The following COBLL1 variants were observed in gnomAD, a reference collection of about 807,000 sequenced individuals.
COBLL1 encodes cordon-bleu WH2 repeat protein like 1.
Under a neutral mutation model 94.8 loss-of-function variants are expected in COBLL1, and 50 were observed. The observed-to-expected ratio is 0.53, with a 90% CI of 0.42 to 0.67. COBLL1 has a LOEUF of 0.67. COBLL1 is among the 30% of genes least tolerant of loss of function. COBLL1 has a pLI of 0.00. For synonymous variants in COBLL1, 448 were observed against 473.8 expected (o/e 0.95, Z 0.71); for missense variants, 1,362 against 1,348.7 (o/e 1.01, Z -0.15).
rs61733882 is a variant in COBLL1 at position 164,728,117 on chromosome 2, C to T, written c.513G>A (p.Glu171=). The T allele has an allele frequency of 6.3e-3, 10,210 of 1,613,644 alleles. 50 individuals are homozygous for T. Among genetic ancestry groups the T allele is most frequent in the Non-Finnish European group, 7.7e-3 (9,098 of 1,179,616 alleles). ...VRVSPHASLQ[E]LAPIICSKCE... is the part of the protein sequence containing the mutation. ...ATTTGCTACATATAATAGGGGCAAG[C>T]TCTTGAAGCGATGCATGTGGACTCA... The change falls in exon 5 of 14, where the codon GAG becomes GAA. Residue 171 remains glutamate (E), a synonymous_variant. Transcript: ENST00000652658.
chr2:164,766,804 A>T (rs183479997), intron 2 of COBLL1, among the ~76,000 whole-genome samples: 1 of 152,320 alleles, frequency 6.6e-6, no homozygotes, highest in Admixed American at 6.5e-5. Context: ...TGGCATTTAA[A>T]ATTATAATTT....
At chr2:164,829,076 C>T (rs987057483) in intron 2 of COBLL1, among the ~76,000 whole-genome samples, 3 of 152,040 alleles carry the variant, frequency 2.0e-5, no homozygotes, top group African/African-American at 7.3e-5. Context: ...AGAAAAATAA[C>T]GAATAAATAA....
intron 2 of COBLL1, among the ~76,000 whole-genome samples, chr2:164,765,882 C>T (rs185578331): frequency 6.6e-6 from 1 of 152,148 alleles, no homozygotes; most frequent in African/African-American, 2.4e-5. Flanking sequence ...TCTTTTCATT[C>T]TAATATTTCT....
At chr2:164,808,586 T>A (rs1684313022) in intron 2 of COBLL1, among the ~76,000 whole-genome samples, 1 of 152,204 alleles carries the variant, frequency 6.6e-6, no homozygotes, top group Non-Finnish European at 1.5e-5. Context: ...CATCTGTTAG[T>A]GTCTTTTAAG....
chr2:164,732,652 A>G (rs1686078697), intron 3 of COBLL1, among the ~76,000 whole-genome samples: 1 of 152,242 alleles, frequency 6.6e-6, no homozygotes, highest in Non-Finnish European at 1.5e-5. Flanking sequence ...TTCTCTCTAT[A>G]TATAAATGTG....
chr2:164,760,812 T>G (rs948535830), intron 2 of COBLL1, among the ~76,000 whole-genome samples: 1 of 152,226 alleles, frequency 6.6e-6, no homozygotes, highest in Admixed American at 6.5e-5. Flanking sequence ...GAATCACCTA[T>G]GGAACTTGTT....
Position 164,804,064 on chromosome 2 carries a change from G to C in COBLL1, c.41+37092C>G, listed in dbSNP as rs576420340. ...AGTAGGAGATAAGGCTAGGGAGGAG[G>C]ACCAGGCCCCTATCAGTGTCTTACA... is the stretch of plus-strand genomic sequence containing the variant. On this transcript the variant is annotated intron_variant, in intron 2 of 13. Coordinates refer to ENST00000652658, the MANE Select transcript of COBLL1 (RefSeq NM_001365672.2). 2.1e-5 allele frequency among the ~76,000 whole-genome samples: 3 copies of C among 141,228 alleles called. No individual in the cohort carries two copies. In the South Asian group the frequency reaches 6.6e-4, roughly 31 times the overall value. 92.7% of individuals were successfully genotyped at this position (141,228 alleles called of 152,430 possible). A position where few individuals can be genotyped will look rare whatever the true frequency, so the allele number is the denominator to read the frequency against.
chr2:164,728,833 T>C (rs138849508), intron 4 of COBLL1, among the ~76,000 whole-genome samples: 359 of 152,152 alleles, frequency 2.4e-3, no homozygotes, highest in Non-Finnish European at 3.8e-3. Context: ...AAATATCTAG[T>C]ACTAATAATT....
chr2:164,710,911 T>C (rs1052991599), intron 7 of COBLL1, among the ~76,000 whole-genome samples: 9 of 152,136 alleles, frequency 5.9e-5, no homozygotes, highest in African/African-American at 2.2e-4. Flanking sequence ...TTTAGGAGTA[T>C]GCTCCAAAGA....
chr2:164,720,162 A>G (rs918467616), intron 7 of COBLL1, among the ~76,000 whole-genome samples: 1 of 152,182 alleles, frequency 6.6e-6, no homozygotes, highest in South Asian at 2.1e-4. Context: ...GGGAAAGACA[A>G]ATAAGTCTGG....
chr2:164,779,315 G>A (rs1293700744), intron 2 of COBLL1, among the ~76,000 whole-genome samples: 1 of 152,074 alleles, frequency 6.6e-6, no homozygotes, highest in Admixed American at 6.6e-5. Context: ...CACCATCTTT[G>A]CCTGGGAAAT....
intron 3 of COBLL1, among the ~76,000 whole-genome samples, chr2:164,733,496 T>C (rs1048982095): frequency 4.6e-5 from 7 of 152,238 alleles, no homozygotes; most frequent in African/African-American, 1.7e-4. Flanking sequence ...CATTTTATAA[T>C]TCTAGGTCCA....
chr2:164,669,975 T>C (rs1323771704), intron 1 of COBLL1, among the ~76,000 whole-genome samples: 5 of 152,224 alleles, frequency 3.3e-5, no homozygotes, highest in Admixed American at 6.5e-5. Flanking sequence ...CAAGTCAAAA[T>C]AGCTTGCTAG....
chr2:164,747,533 G>A (rs974629678), intron 2 of COBLL1, among the ~76,000 whole-genome samples: 2 of 152,100 alleles, frequency 1.3e-5, no homozygotes, highest in Non-Finnish European at 2.9e-5. Context: ...ACCTAGGCTG[G>A]AGTGCAGTGG....
chr2:164,694,660 GA>G lies in COBLL1; in HGVS notation c.2731del (p.Ser911LeufsTer9). The G allele has an allele frequency of 6.2e-7, 1 of 1,613,800 alleles. No homozygotes were observed. Among genetic ancestry groups the G allele is most frequent in the Non-Finnish European group, 8.5e-7 (1 of 1,179,932 alleles). ...NKEAERDMLP[S>X]PEQTLSPLSK... Reference sequence around the variant, plus strand: ...TAAGGGAGAAAGAGTCTGCTCCGGAGAAGGCAGCATATCCCTTTCTGCCTCT... The same window carrying G: ...TAAGGGAGAAAGAGTCTGCTCCGGAGAGGCAGCATATCCCTTTCTGCCTCT... On this transcript the variant is annotated frameshift_variant, in exon 12 of 14. Transcript: ENST00000652658. LOFTEE classifies it high-confidence loss of function.
At chr2:164,729,772 T>G (rs1558960220) in intron 4 of COBLL1, 142 bp downstream of exon 4, 2 of 706,626 alleles carry the variant, frequency 2.8e-6, no homozygotes, top group Non-Finnish European at 4.7e-6. Context: ...AATAGCCAAC[T>G]GAATCCTAAA....
chr2:164,768,728 G>C (rs1409383328), intron 2 of COBLL1, among the ~76,000 whole-genome samples: 1 of 152,058 alleles, frequency 6.6e-6, no homozygotes, highest in Admixed American at 6.6e-5. Flanking sequence ...AGTGTCATCA[G>C]AATTGAAAAA....
intron 2 of COBLL1, among the ~76,000 whole-genome samples, chr2:164,836,312 A>G (rs1156781619): frequency 6.6e-6 from 1 of 152,214 alleles, no homozygotes. Context: ...CATAAGCCAA[A>G]TAATTAATCT....
In COBLL1 at chr2:164,841,540, G is replaced by A. The variant is rs1001051490; in HGVS notation, c.-51+170C>T. The A allele has an allele frequency of 8.2e-6, 7 of 855,626 alleles. No homozygotes were observed. In the African/African-American group the frequency reaches 1.1e-4, roughly 13 times the overall value. The allele number at this position is 855,626 out of a possible 1,614,324, so 53.0% of individuals were successfully genotyped here. ...CTCTCGGAGGGAGAGGAGCCGCCGG[G>A]GCTGGAAAAGGAGGAGGAGCGGGGC... On this transcript the variant is annotated intron_variant, in intron 1 of 13. Transcript: ENST00000652658. This position sits in a 1 kb window ranked among gnomAD's most constrained non-coding sequence, Gnocchi z 5.5.
Sources: gnomAD v4.1 joint callset for allele counts (sites outside exome capture counted in the v4.1 genomes callset) on GRCh38, gnomAD v4.1.1 for gene constraint, Gnocchi (gnomAD v3.1) non-coding constraint, MANE v1.5 for transcripts, NCBI Gene and HGNC (gene_info 2026-07-23, HGNC 2026-07-21) for gene names.